The following SGIP1 variants were observed in gnomAD, a reference collection of about 807,000 sequenced individuals.
SGIP1 encodes the protein SH3GL interacting endocytic adaptor 1.
Under a neutral mutation model 107.5 loss-of-function variants are expected in SGIP1, and 38 were observed. That is an observed-to-expected ratio of 0.35 (90% CI 0.27 to 0.46). The LOEUF is 0.46. SGIP1 is among the 20% of genes least tolerant of loss of function. SGIP1 has a pLI of 1.00. For synonymous variants in SGIP1, 365 were observed against 366.1 expected, an observed-to-expected ratio of 1.00 and a Z score of 0.03; for missense variants, 929 against 1,019.5, an observed-to-expected ratio of 0.91 and a Z score of 1.21.
In SGIP1 at chr1:66,748,817, A is replaced by G. The variant is rs1007239391; in HGVS notation, c.*5722A>G. Among the ~76,000 whole-genome samples the G allele has an allele frequency of 2.0e-4, 30 of 152,146 alleles. No homozygotes were observed. The highest frequency in any genetic ancestry group is 7.2e-4 in the African/African-American group (30 of 41,574). On this transcript the variant is annotated 3_prime_UTR_variant, in exon 25 of 25. Transcript: ENST00000371037. ...GTCTGAGAACAAATGGTCCTATACT[A>G]TAATTCTCTCTCCTTGGACATTGAC...
intron 1 of SGIP1, among the ~76,000 whole-genome samples, chr1:66,607,952 C>T (rs1440206105): frequency 3.9e-5 from 6 of 152,096 alleles, no homozygotes; most frequent in African/African-American, 1.2e-4. Flanking sequence ...GGGAAGCATG[C>T]GGGGATCACC....
chr1:66,550,962 C>A (rs1394233289), intron 1 of SGIP1, among the ~76,000 whole-genome samples: 1 of 152,010 alleles, frequency 6.6e-6, no homozygotes, highest in Non-Finnish European at 1.5e-5. Context: ...ACTATATTCC[C>A]ATATAGGGGC....
At chr1:66,691,008 C>G (rs991441659) in intron 17 of SGIP1, among the ~76,000 whole-genome samples, 3 of 152,178 alleles carry the variant, frequency 2.0e-5, no homozygotes, top group African/African-American at 7.2e-5. Flanking sequence ...GCATCATCCC[C>G]CTTTCCAAAG....
At chr1:66,680,837 G>C (rs994270476) in intron 14 of SGIP1, among the ~76,000 whole-genome samples, 1 of 152,112 alleles carries the variant, frequency 6.6e-6, no homozygotes, top group Non-Finnish European at 1.5e-5. Context: ...GTTATATAAA[G>C]GTAAAGTGAC....
At chr1:66,668,526 C>A (rs1268799066) in intron 9 of SGIP1, among the ~76,000 whole-genome samples, 3 of 152,088 alleles carry the variant, frequency 2.0e-5, no homozygotes, top group Non-Finnish European at 4.4e-5. Flanking sequence ...AAAGAAGGGT[C>A]TTTGTTAGGT....
chr1:66,667,228 C>CTTT (rs2082772159), intron 8 of SGIP1, among the ~76,000 whole-genome samples: 4 of 152,052 alleles, frequency 2.6e-5, no homozygotes, highest in African/African-American at 9.7e-5. Context: ...AGACATTAAA[C>CTTT]ATTGTCAGTA....
chr1:66,634,876 GCTAA>G (rs546799883), intron 3 of SGIP1, among the ~76,000 whole-genome samples: 7 of 152,148 alleles, frequency 4.6e-5, no homozygotes, highest in Non-Finnish European at 1.0e-4. Context: ...GGAAACCAGT[GCTAA>G]CTGAGTTTCT....
intron 18 of SGIP1, among the ~76,000 whole-genome samples, chr1:66,717,529 A>T (rs2150409251): frequency 6.6e-6 from 1 of 152,268 alleles, no homozygotes; most frequent in African/African-American, 2.4e-5. Flanking sequence ...TCCTTTTAAA[A>T]TTTAGAGCTC....
intron 1 of SGIP1, among the ~76,000 whole-genome samples, chr1:66,541,031 T>C (rs1269262695): frequency 1.3e-5 from 2 of 152,234 alleles, no homozygotes; most frequent in Non-Finnish European, 2.9e-5. Context: ...ACACAAATAA[T>C]TCAAATGCAT....
At chr1:66,724,865 G>A (rs2093687785) in intron 19 of SGIP1, among the ~76,000 whole-genome samples, 1 of 152,134 alleles carries the variant, frequency 6.6e-6, no homozygotes, top group Non-Finnish European at 1.5e-5. Flanking sequence ...AGCCACCACT[G>A]CTAATAACAA....
chr1:66,631,051 GAAA>G (rs2074477493), intron 2 of SGIP1, among the ~76,000 whole-genome samples: 3 of 68,962 alleles, frequency 4.4e-5, no homozygotes, highest in Non-Finnish European at 6.4e-5. Context: ...AAGGAAGAAA[GAAA>G]GAAAGAAAGA....
Position 66,751,002 on chromosome 1 carries a change from T to G in SGIP1, c.*7907T>G, listed in dbSNP as rs1035224873. Among the ~76,000 whole-genome samples the G allele has an allele frequency of 1.3e-5, 2 of 152,264 alleles. No homozygotes were observed. The highest frequency in any genetic ancestry group is 4.8e-5 in the African/African-American group (2 of 41,476). ...CACAAAATCCTGAATATGCAATTAT[T>G]TATTATGACACGTTACTGCAACTAG... On this transcript the variant is annotated 3_prime_UTR_variant, in exon 25 of 25. Transcript: ENST00000371037.
At chr1:66,541,366 C>T (rs1249491951) in intron 1 of SGIP1, among the ~76,000 whole-genome samples, 1 of 152,242 alleles carries the variant, frequency 6.6e-6, no homozygotes, top group African/African-American at 2.4e-5. Context: ...AGAAGTCTAG[C>T]ATTCAGATAC....
intron 11 of SGIP1, among the ~76,000 whole-genome samples, 200 bp from the exon 12 acceptor site, chr1:66,673,081 A>T (rs962969140): frequency 6.6e-6 from 1 of 152,154 alleles, no homozygotes; most frequent in Non-Finnish European, 1.5e-5. Flanking sequence ...ACCTTCTACC[A>T]ATTCTTTTGT....
chr1:66,736,889 G>A (rs918051087), intron 21 of SGIP1, among the ~76,000 whole-genome samples: 2 of 151,748 alleles, frequency 1.3e-5, no homozygotes, highest in African/African-American at 4.8e-5. Context: ...TCTATAAAAT[G>A]GTGTATTTTC....
At chr1:66,534,517 G>C in intron 1 of SGIP1, 149 bp downstream of exon 1, 4 of 875,464 alleles carry the variant, frequency 4.6e-6, no homozygotes, top group South Asian at 4.5e-5. Context: ...GCTTGCAGTG[G>C]ATCTGGGCTC....
At chr1:66,705,123 G>T (rs2092372716) in intron 18 of SGIP1, among the ~76,000 whole-genome samples, 2 of 152,168 alleles carry the variant, frequency 1.3e-5, no homozygotes, top group South Asian at 4.1e-4. Context: ...CACTGTGTGT[G>T]TAATCATTTC....
rs2090734179 is a variant in SGIP1, at chr1:66,695,464, A to G, written c.1601A>G (p.Asp534Gly). The change falls in exon 18 of 25, where the codon GAC becomes GGC. Residue 534 changes from aspartate to glycine, a missense_variant. By Grantham distance (94) the Asp-to-Gly change is moderately conservative. Coordinates refer to ENST00000371037, the MANE Select transcript of SGIP1 (RefSeq NM_032291.4). Reference protein sequence around the residue: ...ENEQPSLVWFDRGKFYLTFEG... With the variant: ...ENEQPSLVWFGRGKFYLTFEG... ...GAACAGCCTTCCCTCGTTTGGTTTG[A>G]CAGAGGAAAGTTTTATTTGACTTTT... is the stretch of plus-strand genomic sequence containing the variant. The G allele has an allele frequency of 6.2e-7, 1 of 1,614,014 alleles. No individual in the cohort carries two copies. Among genetic ancestry groups the G allele is most frequent in the African/African-American group, 1.3e-5 (1 of 74,976 alleles).
intron 1 of SGIP1, among the ~76,000 whole-genome samples, chr1:66,550,990 T>C (rs1159240381): frequency 6.6e-6 from 1 of 152,142 alleles, no homozygotes; most frequent in African/African-American, 2.4e-5. Flanking sequence ...TGGCATTCTC[T>C]GCACCACAGC....
Sources: allele counts gnomAD v4.1 joint callset (sites outside exome capture counted in the v4.1 genomes callset), GRCh38; gene constraint gnomAD v4.1.1; transcripts MANE v1.5; gene names NCBI Gene and HGNC (gene_info 2026-07-23, HGNC 2026-07-21).